EEF1AKMT2: variants seen among roughly 807,000 people sequenced by gnomAD.
EEF1AKMT2 encodes the protein eukaryotic translation elongation factor 1 alpha lysine methyltransferase 2.
A neutral mutation model predicts 35.8 loss-of-function variants in EEF1AKMT2; 32 were observed. That is an observed-to-expected ratio of 0.89 (90% confidence interval 0.67 to 1.20). EEF1AKMT2 has a LOEUF of 1.20. Among genes scored for constraint, EEF1AKMT2 ranks in the 50% most tolerant of loss-of-function variants. The probability of loss-of-function intolerance (pLI) is 0.00; values close to 1 mark genes in which losing one functional copy is unlikely to be tolerated. For missense variants in EEF1AKMT2, 330 were observed against 347.5 expected (o/e 0.95, Z 0.40); for synonymous variants, 121 against 133.7 (o/e 0.91, Z 0.65).
chr10:124,787,305 C>T (rs1049775759), intron 3 of EEF1AKMT2, among the ~76,000 whole-genome samples: 3 of 151,758 alleles, frequency 2.0e-5, no homozygotes, highest in Non-Finnish European at 2.9e-5. Context: ...TAATGGCGTG[C>T]GCCTGTAATC....
intron 2 of EEF1AKMT2, among the ~76,000 whole-genome samples, chr10:124,789,388 A>G (rs1365946662): frequency 6.6e-6 from 1 of 152,198 alleles, no homozygotes; most frequent in African/African-American, 2.4e-5. Context: ...CAGCATTAAC[A>G]GTTGTATGTG....
chr10:124,779,208 G>A (rs143177995), intron 3 of EEF1AKMT2, among the ~76,000 whole-genome samples: 7,708 of 152,068 alleles, frequency 0.051, 630 homozygotes, highest in African/African-American at 0.17. Context: ...ACAGCTCACT[G>A]CAGCCTCAAC....
intron 4 of EEF1AKMT2, among the ~76,000 whole-genome samples, chr10:124,771,350 T>C (rs951982646): frequency 7.9e-5 from 12 of 151,778 alleles, no homozygotes; most frequent in East Asian, 2.0e-4. Context: ...CCGCCCACCT[T>C]GGCCTCCCAA....
chr10:124,767,738 C>T (rs1950391966), intron 4 of EEF1AKMT2, among the ~76,000 whole-genome samples: 1 of 152,122 alleles, frequency 6.6e-6, no homozygotes, highest in South Asian at 2.1e-4. Flanking sequence ...ATAATCCCAA[C>T]ACTTTGGGAG....
intron 2 of EEF1AKMT2, among the ~76,000 whole-genome samples, chr10:124,789,760 TAA>T (rs535532582): frequency 2.4e-4 from 27 of 113,992 alleles, no homozygotes; most frequent in Non-Finnish European, 2.8e-4. Context: ...CCCACCTCTC[TAA>T]AAAAAAAAAA....
At chr10:124,766,931 G>A (rs529483276) in intron 4 of EEF1AKMT2, among the ~76,000 whole-genome samples, 4 of 151,988 alleles carry the variant, frequency 2.6e-5, no homozygotes, top group Admixed American at 1.3e-4. Flanking sequence ...AGAGGCCAAG[G>A]CAGGAGGATC....
chr10:124,787,022 T>C (rs957477771), intron 3 of EEF1AKMT2, among the ~76,000 whole-genome samples: 6 of 151,670 alleles, frequency 4.0e-5, no homozygotes, highest in African/African-American at 1.5e-4. Context: ...CTCCGCTCAC[T>C]GCAAACTCCA....
chr10:124,774,795 A>G lies in EEF1AKMT2; in HGVS notation c.292-13T>C, dbSNP rs771643821. ...AACCAAATTTTGCCTAGAGAGAAAT[A>G]ATTTTATACTTTAGTATAAAATTTT... On this transcript the variant is annotated splice_polypyrimidine_tract_variant and intron_variant, in intron 3 of 6. Transcript: ENST00000368836. 1 of 1,238,638 alleles carries G rather than the reference A, an allele frequency of 8.1e-7. No individual in the cohort carries two copies. The highest frequency in any genetic ancestry group is 1.8e-5 in the South Asian group (1 of 54,200). 76.7% of individuals were successfully genotyped at this position (1,238,638 alleles called of 1,614,324 possible).
chr10:124,788,967 T>A, intron 3 of EEF1AKMT2, 76 bp downstream of exon 3: 1 of 906,734 alleles, frequency 1.1e-6, no homozygotes, highest in East Asian at 2.5e-5. Flanking sequence ...AGATGGTTAA[T>A]ATCCTCAATT....
Position 124,789,164 on chromosome 10 carries a change from G to C in EEF1AKMT2, c.177-7C>G, listed in dbSNP as rs190762395. 1 of 1,588,214 alleles carries C rather than the reference G, an allele frequency of 6.3e-7. No homozygotes were observed. The highest frequency in any genetic ancestry group is 1.1e-5 in the South Asian group (1 of 90,014). ...CATACTCTCTTCTCCAAACCTGTTA[G>C]AGAGAATCAGTCAAATAACTGAGGG... On this transcript the variant is annotated splice_region_variant and splice_polypyrimidine_tract_variant and intron_variant, in intron 2 of 6. Transcript: ENST00000368836.
At chr10:124,756,955 C>T (rs1015924999), downstream of EEF1AKMT2, among the ~76,000 whole-genome samples, 1 of 152,116 alleles carries the variant, frequency 6.6e-6, no homozygotes, top group Non-Finnish European at 1.5e-5. Flanking sequence ...ATAAAACATG[C>T]TGATGAGCTC....
At chr10:124,761,201 T>G (rs1950328957) in intron 6 of EEF1AKMT2, among the ~76,000 whole-genome samples, 1 of 152,240 alleles carries the variant, frequency 6.6e-6, no homozygotes, top group Non-Finnish European at 1.5e-5. Flanking sequence ...CCAGGCATTA[T>G]TTTGAGTGCT....
chr10:124,763,245 G>A (rs1950347600), intron 5 of EEF1AKMT2, among the ~76,000 whole-genome samples: 1 of 152,106 alleles, frequency 6.6e-6, no homozygotes, highest in East Asian at 1.9e-4. Context: ...ATTAGAACAT[G>A]GGCAACTGGT....
intron 1 of EEF1AKMT2, among the ~76,000 whole-genome samples, 200 bp downstream of exon 1, chr10:124,791,524 C>T (rs1368046292): frequency 6.6e-6 from 1 of 152,174 alleles, no homozygotes; most frequent in African/African-American, 2.4e-5. Flanking sequence ...TCCCTTGAAA[C>T]GTCGGTTAAC....
chr10:124,765,776 T>A, intron 4 of EEF1AKMT2, 168 bp from the exon 5 acceptor site: 1 of 565,506 alleles, frequency 1.8e-6, no homozygotes, highest in Non-Finnish European at 3.1e-6. Context: ...TGAGCTTCAG[T>A]CCAAGATCAT....
intron 3 of EEF1AKMT2, among the ~76,000 whole-genome samples, chr10:124,787,897 T>C (rs1212380603): frequency 6.6e-6 from 1 of 152,214 alleles, no homozygotes; most frequent in South Asian, 2.1e-4. Flanking sequence ...TGCACTTTAA[T>C]GTACACACAC....
intron 4 of EEF1AKMT2, among the ~76,000 whole-genome samples, chr10:124,771,016 T>C (rs1950428455): frequency 6.6e-6 from 1 of 152,244 alleles, no homozygotes; most frequent in Non-Finnish European, 1.5e-5. Context: ...CAAACTCCTG[T>C]TAATGTTGAT....
chr10:124,756,436 T>C (rs568253146), downstream of EEF1AKMT2, among the ~76,000 whole-genome samples: 34 of 152,360 alleles, frequency 2.2e-4, no homozygotes, highest in Non-Finnish European at 3.8e-4. Context: ...GGATAGGATA[T>C]TGATACATTC....
chr10:124,771,250 C>T (rs1021853720), intron 4 of EEF1AKMT2, among the ~76,000 whole-genome samples: 3 of 151,990 alleles, frequency 2.0e-5, no homozygotes, highest in East Asian at 1.9e-4. Flanking sequence ...CAGGCACCTG[C>T]CACCACACCT....
Sources: allele counts gnomAD v4.1 joint callset (sites outside exome capture counted in the v4.1 genomes callset), GRCh38; gene constraint gnomAD v4.1.1; transcripts MANE v1.5; gene names NCBI Gene and HGNC (gene_info 2026-07-23, HGNC 2026-07-21).